The following SLC26A6 variants were observed in gnomAD, a reference collection of about 807,000 sequenced individuals.
The protein encoded by SLC26A6 is anion exchange transporter.
In SLC26A6, 67 loss-of-function variants were observed where a neutral mutation model predicts 87.1. The observed-to-expected ratio is 0.77, with a 90% CI of 0.63 to 0.94. The LOEUF (loss-of-function observed/expected upper bound fraction) is 0.94, where lower values mean the gene tolerates loss of function less well. Ranked by LOEUF, SLC26A6 falls within the 40% of genes least tolerant of loss-of-function variation. The pLI is 0.00. For synonymous variants in SLC26A6, 414 were observed against 405.9 expected (o/e 1.02, Z -0.24); for missense variants, 902 against 973.0 (o/e 0.93, Z 0.97).
In SLC26A6 at chr3:48,630,700, G is replaced by A. The variant is rs757971434; in HGVS notation, c.1155C>T (p.Leu385=). 3.7e-6 allele frequency: 6 copies of A among 1,601,606 alleles called. No homozygotes were observed. The highest frequency in any genetic ancestry group is 3.3e-4 in the Middle Eastern group (2 of 6,056). Residue 385 remains leucine, a synonymous_variant, in exon 10 of 21, where the codon CTC becomes CTT. Coordinates refer to ENST00000395550, the MANE Select transcript of SLC26A6 (RefSeq NM_022911.3). ...DSNQELVALG[L]SNLIGGIFQC... is the part of the protein sequence containing the mutation. ...GGAAGATGCCTCCGATAAGGTTACT[G>A]AGGCCCAGGGCCACCAGCTCCTGAC...
chr3:48,628,014 C>T lies in SLC26A6; in HGVS notation c.1825G>A (p.Val609Ile), dbSNP rs1490729694. The change falls in exon 17 of 21, where the codon GTT becomes ATT. Residue 609 changes from valine (V) to isoleucine (I), a missense_variant. Physicochemically the swap from Val to Ile is conservative, Grantham distance 29. Around this residue, in one of 3 missense-constraint regions of SLC26A6, gnomAD observed 800 missense variants for 856.8 expected, o/e 0.93. Coordinates refer to ENST00000395550, the MANE Select transcript of SLC26A6 (RefSeq NM_022911.3). The surrounding 1 kb of genome is among the most constrained non-coding windows in gnomAD (Gnocchi z 4.4). ...AGGCTGGTGTTGACATTAATGGAAA[C>T]TGAGGCGCCCTTGGGGGAGGCAGCC... The part of the protein sequence containing the change: ...KQAASPKGAS[V>I]SINVNTSLED... 6.3e-6 allele frequency: 10 copies of T among 1,585,534 alleles called. No homozygotes were observed. The highest frequency in any genetic ancestry group is 8.5e-6 in the Non-Finnish European group (10 of 1,170,882).
chr3:48,630,319 T>A, intron 11 of SLC26A6, 119 bp downstream of exon 11: 1 of 1,329,494 alleles, frequency 7.5e-7, no homozygotes, highest in Non-Finnish European at 1.0e-6. Context: ...ACCTTGAAGA[T>A]CTCAGCCTTG....
rs1220293753 is a variant in SLC26A6, at chr3:48,631,216, G to C, written c.986+8C>G. 6.2e-7 allele frequency: 1 copy of C among 1,611,606 alleles called. No homozygotes were observed. The highest frequency in any genetic ancestry group is 2.2e-5 in the East Asian group (1 of 44,814). On this transcript the variant is annotated splice_region_variant and intron_variant, in intron 8 of 20. Transcript: ENST00000395550. ...ACCCTCCCTGACCTGATGGAGGCCA[G>C]AGCTCACCCTGCAGGGATGTTGCCC...
Position 48,632,063 on chromosome 3 carries a change from C to T in SLC26A6, c.586-19G>A. On this transcript the variant is annotated intron_variant, in intron 5 of 20. Transcript: ENST00000395550. ...GCCCCACCTGTGGGGCGGCCAGGGGCAGTCAGGAGAGGCAGGGGTCCTGGG... is the reference window on the plus strand; with the variant it reads ...GCCCCACCTGTGGGGCGGCCAGGGGTAGTCAGGAGAGGCAGGGGTCCTGGG... 1 of 1,612,236 alleles carries T rather than the reference C, an allele frequency of 6.2e-7. No individual in the cohort carries two copies. Among genetic ancestry groups the T allele is most frequent in the South Asian group, 1.1e-5 (1 of 91,046 alleles).
chr3:48,626,512 G>A (rs2046626919), intron 19 of SLC26A6, 119 bp downstream of exon 19: 1 of 1,547,976 alleles, frequency 6.5e-7, no homozygotes, highest in Admixed American at 1.7e-5. Flanking sequence ...TGTCTCCCAG[G>A]ACACCTCTGA....
At chr3:48,633,720 C>G (rs933564323) in intron 1 of SLC26A6, 85 bp from the exon 2 acceptor site, 2 of 1,551,252 alleles carry the variant, frequency 1.3e-6, no homozygotes, top group Admixed American at 1.9e-5. Context: ...AGAGAGTTAC[C>G]TACCTGATTT....
In SLC26A6 at chr3:48,632,388, CA is replaced by C; in HGVS notation, c.441del (p.Phe147LeufsTer6). 8 of 1,607,238 alleles carry C rather than the reference CA, an allele frequency of 5.0e-6. No homozygotes were observed. The highest frequency in any genetic ancestry group is 6.8e-6 in the Non-Finnish European group (8 of 1,176,424). ...CTGCCCACCATCACAGACATGACAG[CA>C]AAGGTCCCTGTAAGGACGGCACGGG... Reference protein sequence around the residue: ...GTSRHISVGTFAVMSVMVGSV... With the variant: ...GTSRHISVGTXAVMSVMVGSV... On this transcript the variant is annotated frameshift_variant, in exon 5 of 21. Transcript: ENST00000395550. LOFTEE classifies it high-confidence loss of function.
intron 11 of SLC26A6, 21 bp downstream of exon 11, chr3:48,630,417 C>A: frequency 6.4e-7 from 1 of 1,552,618 alleles, no homozygotes; most frequent in African/African-American, 1.4e-5. Context: ...AGACCTGAAA[C>A]CTGGCTGGGT....
rs1204601079 is a variant in SLC26A6 at position 48,630,620 on chromosome 3, C to G, written c.1235G>C (p.Gly412Ala). 1 of 1,582,836 alleles carries G rather than the reference C, an allele frequency of 6.3e-7. No individual in the cohort carries two copies. The highest frequency in any genetic ancestry group is 2.3e-5 in the East Asian group (1 of 43,366). The part of the protein sequence containing the change: ...MSRSLVQEST[G>A]GNSQVAGAIS... ...CCCAAAGCCCACCTGCGAGTTGCCC[C>G]CGGTGCTCTCCTGTACCAGGCTCCG... is the stretch of plus-strand genomic sequence containing the variant. The change falls in exon 10 of 21, where the codon GGG becomes GCG. Residue 412 changes from glycine (G) to alanine (A), a missense_variant. By Grantham distance (60) the Gly-to-Ala change is moderately conservative. This residue lies in a region of SLC26A6 where 800 missense variants were observed against 856.8 expected (regional missense o/e 0.93). Coordinates refer to ENST00000395550, the MANE Select transcript of SLC26A6 (RefSeq NM_022911.3).
intron 1 of SLC26A6, 38 bp downstream of exon 1, chr3:48,635,333 G>C (rs778497327): frequency 3.2e-6 from 5 of 1,577,184 alleles, no homozygotes; most frequent in Non-Finnish European, 3.4e-6. Flanking sequence ...CCAGCGAGGC[G>C]CTCGCGCGGG....
Position 48,630,527 on chromosome 3 carries a change from G to T in SLC26A6, c.1249-12C>A, listed in dbSNP as rs1169784760. ...ATGGCTCCAGCAACCTGTTCGGGGA[G>T]GGAGTGAGCAGGGGAGAGACCTCCT... is the stretch of plus-strand genomic sequence containing the variant. On this transcript the variant is annotated splice_polypyrimidine_tract_variant and intron_variant, in intron 10 of 20. Transcript: ENST00000395550. 7 of 1,559,384 alleles carry T rather than the reference G, an allele frequency of 4.5e-6. No homozygotes were observed. The highest frequency in any genetic ancestry group is 6.1e-6 in the Non-Finnish European group (7 of 1,151,276).
At position 48,626,372 on chromosome 3, in the gene SLC26A6, GCCT is replaced by G; in HGVS notation, c.2129-21_2129-19del. On this transcript the variant is annotated intron_variant, in intron 19 of 20. Coordinates refer to ENST00000395550, the MANE Select transcript of SLC26A6 (RefSeq NM_022911.3). ...CACAGGGCCTGTGGGCAAGAAGTAG[GCCT>G]CCCCTGACTCTCAGAACCTCTAGGA... The G allele has an allele frequency of 6.2e-7, 1 of 1,613,886 alleles. No homozygotes were observed. The highest frequency in any genetic ancestry group is 1.1e-5 in the South Asian group (1 of 91,060).
chr3:48,629,083 G>A (rs1003025510), intron 14 of SLC26A6, among the ~76,000 whole-genome samples: 4 of 152,152 alleles, frequency 2.6e-5, no homozygotes, highest in Non-Finnish European at 5.9e-5. Flanking sequence ...TCACAGCCCG[G>A]GTCTCTGCTG....
intron 17 of SLC26A6, 53 bp downstream of exon 17, chr3:48,627,893 C>A: frequency 1.3e-6 from 2 of 1,514,296 alleles, no homozygotes; most frequent in Non-Finnish European, 1.8e-6. Context: ...ACATGTGGAT[C>A]CTGCATCTCT....
chr3:48,635,388 C>T lies in SLC26A6; in HGVS notation c.6G>A (p.Gly2=). The change falls in exon 1 of 21, where the codon GGG becomes GGA. Residue 2 remains glycine, a synonymous_variant. Coordinates refer to ENST00000395550, the MANE Select transcript of SLC26A6 (RefSeq NM_022911.3). M[G]LADASGPRDT... is the part of the protein sequence containing the mutation. Reference sequence around the variant, plus strand: ...GAACTCACCCCGACGCATCCGCCAGCCCCATGGCTCGCAAGTTGTCCGGTG... The same window carrying T: ...GAACTCACCCCGACGCATCCGCCAGTCCCATGGCTCGCAAGTTGTCCGGTG... The T allele has an allele frequency of 6.3e-7, 1 of 1,585,700 alleles. No individual in the cohort carries two copies.
rs1321309062 is a variant in SLC26A6 at position 48,630,443 on chromosome 3, G to C, written c.1321C>G (p.Pro441Ala). The change falls in exon 11 of 21, where the codon CCC becomes GCC. Residue 441 changes from proline (P) to alanine (A), a missense_variant. Physicochemically the swap from Pro to Ala is conservative, Grantham distance 27. This residue lies in a region of SLC26A6 where 800 missense variants were observed against 856.8 expected (regional missense o/e 0.93). Coordinates refer to ENST00000395550, the MANE Select transcript of SLC26A6 (RefSeq NM_022911.3). ...CTGGCTGGGTGGGGGCTCACCTTGGGCAGGTCATGGAAGAGTTCCCCAAGT... is the reference window on the plus strand; with the variant it reads ...CTGGCTGGGTGGGGGCTCACCTTGGCCAGGTCATGGAAGAGTTCCCCAAGT... ...VKLGELFHDL[P>A]KAVLAAIIIV... is the part of the protein sequence containing the mutation. 1 of 1,555,948 alleles carries C rather than the reference G, an allele frequency of 6.4e-7. No individual in the cohort carries two copies. The highest frequency in any genetic ancestry group is 1.9e-5 in the Admixed American group (1 of 51,638).
intron 11 of SLC26A6, 93 bp downstream of exon 11, chr3:48,630,345 C>A (rs938656643): frequency 7.1e-7 from 1 of 1,411,360 alleles, no homozygotes; most frequent in Non-Finnish European, 9.7e-7. Context: ...CAGAACCTAA[C>A]CTTGTGTCCC....
Position 48,633,377 on chromosome 3 carries a change from GAGCACGGGAGCAC to G in SLC26A6, c.183_195del (p.Gln61HisfsTer34). ...TGTTGGAGCAGAAGGGCATAGGCCC[GAGCACGGGAGCAC>G]CTAGGGACATGATATGAGGGGTAGG... On this transcript the variant is annotated frameshift_variant and splice_region_variant, in exon 3 of 21. Coordinates refer to ENST00000395550, the MANE Select transcript of SLC26A6 (RefSeq NM_022911.3). LOFTEE classifies it high-confidence loss of function. The G allele has an allele frequency of 6.2e-7, 1 of 1,613,366 alleles. No homozygotes were observed. The highest frequency in any genetic ancestry group is 8.5e-7 in the Non-Finnish European group (1 of 1,179,986).
chr3:48,628,105 GCCTGGTGATGCCC>G lies in SLC26A6; in HGVS notation c.1801-80_1801-68del, dbSNP rs1264211254. The G allele has an allele frequency of 5.7e-6, 8 of 1,396,026 alleles. No individual in the cohort carries two copies. In the African/African-American group the frequency reaches 1.2e-4, roughly 20 times the overall value. The allele number at this position is 1,396,026 out of a possible 1,614,324, so 86.5% of individuals were successfully genotyped here. On this transcript the variant is annotated intron_variant, in intron 16 of 20. Transcript: ENST00000395550. This position sits in a 1 kb window ranked among gnomAD's most constrained non-coding sequence, Gnocchi z 4.4. Reference sequence around the variant, plus strand: ...CTGCCATGACAGCCATGTCACATAGGCCTGGTGATGCCCCCTGGTGCTGGGCAGGTGGGTGGGC... The same window carrying G: ...CTGCCATGACAGCCATGTCACATAGGCCTGGTGCTGGGCAGGTGGGTGGGC...
Sources: gnomAD v4.1 joint callset for allele counts (sites outside exome capture counted in the v4.1 genomes callset) on GRCh38, gnomAD v4.1.1 for gene constraint, gnomAD v4.1.1 regional missense constraint, Gnocchi (gnomAD v3.1) non-coding constraint, MANE v1.5 for transcripts, NCBI Gene and HGNC (gene_info 2026-07-23, HGNC 2026-07-21) for gene names.